ROBO2: variants seen among roughly 807,000 people sequenced by gnomAD.
ROBO2 encodes the protein roundabout guidance receptor 2, also known as roundabout homolog 2.
ROBO2 carries 53 observed loss-of-function variants against 160.8 expected under a neutral mutation model. The ratio of observed to expected loss-of-function variants is 0.33; its 90% confidence interval spans 0.26 to 0.41. The LOEUF (loss-of-function observed/expected upper bound fraction) is 0.41. Among genes scored for constraint, ROBO2 ranks in the 10% least tolerant of loss-of-function variants. ROBO2 has a pLI of 1.00. For synonymous variants in ROBO2, 664 were observed against 611.7 expected (o/e 1.09, Z -1.26); for missense variants, 1,577 against 1,722.4 (o/e 0.92, Z 1.49).
At chr3:76,091,104 A>G (rs956548478) in intron 2 of ROBO2, among the ~76,000 whole-genome samples, 3 of 152,210 alleles carry the variant, frequency 2.0e-5, no homozygotes, top group African/African-American at 7.2e-5. Flanking sequence ...CCTGGGCTTC[A>G]TTAAAATTGG....
chr3:76,446,615 G>T (rs551404501), intron 2 of ROBO2, among the ~76,000 whole-genome samples: 1 of 152,264 alleles, frequency 6.6e-6, no homozygotes, highest in East Asian at 1.9e-4. Context: ...AAAGCTGGAG[G>T]CATCACACTA....
intron 25 of ROBO2, among the ~76,000 whole-genome samples, chr3:77,645,647 T>A (rs552013896): frequency 1.3e-5 from 2 of 152,318 alleles, no homozygotes; most frequent in East Asian, 3.9e-4. Context: ...TTTGGAAGAT[T>A]CTGTGAGATG....
chr3:77,089,848 A>G (rs564363767), intron 1 of ROBO2, among the ~76,000 whole-genome samples: 1 of 152,302 alleles, frequency 6.6e-6, no homozygotes, highest in Admixed American at 6.5e-5. Flanking sequence ...TTTAATCATC[A>G]TGAAGAATTC....
intron 2 of ROBO2, among the ~76,000 whole-genome samples, chr3:76,163,564 T>C (rs1031963959): frequency 1.3e-5 from 2 of 150,184 alleles, no homozygotes; most frequent in Non-Finnish European, 3.0e-5. Context: ...TGTATATACA[T>C]ATATATAGGC....
chr3:77,332,742 T>C (rs1487460084), intron 2 of ROBO2, among the ~76,000 whole-genome samples: 1 of 152,218 alleles, frequency 6.6e-6, no homozygotes, highest in African/African-American at 2.4e-5. Flanking sequence ...TGGGTTATCA[T>C]TATAATAAAA....
At chr3:76,041,154 G>T (rs1161081909) in intron 2 of ROBO2, among the ~76,000 whole-genome samples, 1 of 152,018 alleles carries the variant, frequency 6.6e-6, no homozygotes, top group Non-Finnish European at 1.5e-5. Context: ...CTGAGGCTAA[G>T]GAGATGTGTA....
rs923165193 is a variant in ROBO2 at position 76,822,363 on chromosome 3, C to T, written c.110-275651C>T. ...CCAATAAAAGTTAACCAAATTATTCCATAAATATAGACCTGCAATAACCAT... is the reference window on the plus strand; with the variant it reads ...CCAATAAAAGTTAACCAAATTATTCTATAAATATAGACCTGCAATAACCAT... On this transcript the variant is annotated intron_variant, in intron 2 of 26. Transcript: ENST00000487694. Among the ~76,000 whole-genome samples, 5 of 151,784 alleles carry T rather than the reference C, an allele frequency of 3.3e-5. No individual in the cohort carries two copies. In the East Asian group the frequency reaches 7.7e-4, roughly 23 times the overall value.
intron 2 of ROBO2, among the ~76,000 whole-genome samples, chr3:76,249,599 C>G (rs2107547129): frequency 6.6e-6 from 1 of 152,202 alleles, no homozygotes; most frequent in East Asian, 1.9e-4. Context: ...CAGGTGATTT[C>G]AATGATTAGT....
chr3:77,605,181 A>AG, intron 20 of ROBO2, among the ~76,000 whole-genome samples: 1 of 148,656 alleles, frequency 6.7e-6, no homozygotes, highest in African/African-American at 2.5e-5. Context: ...AAAAAAAAGT[A>AG]TATATATAGT....
At chr3:76,282,945 G>A (rs1024970225) in intron 2 of ROBO2, among the ~76,000 whole-genome samples, 2 of 148,192 alleles carry the variant, frequency 1.3e-5, no homozygotes, top group African/African-American at 4.9e-5. Flanking sequence ...TTTATTGAAG[G>A]GATTACAGAT....
At chr3:75,983,241 A>C (rs1576376116) in intron 2 of ROBO2, among the ~76,000 whole-genome samples, 1 of 151,432 alleles carries the variant, frequency 6.6e-6, no homozygotes, top group Admixed American at 6.6e-5. Context: ...GAAGAGTCTG[A>C]TTCTGTGTGG....
intron 2 of ROBO2, among the ~76,000 whole-genome samples, chr3:76,819,089 A>T (rs1464937131): frequency 6.6e-6 from 1 of 152,052 alleles, no homozygotes; most frequent in Non-Finnish European, 1.5e-5. Context: ...ACTGCCTGTT[A>T]CGGGAAGGGC....
intron 2 of ROBO2, among the ~76,000 whole-genome samples, chr3:76,124,447 C>T (rs2070885327): frequency 6.6e-6 from 1 of 152,066 alleles, no homozygotes; most frequent in African/African-American, 2.4e-5. Context: ...TACATCAGGG[C>T]AAGCTCAAAG....
chr3:76,687,841 A>G lies in ROBO2; in HGVS notation c.110-410173A>G, dbSNP rs532270088. ...GATAAATGAAGTGTCTCCATATTCT[A>G]TAGCCAATATTAAGGGCAAAGGAGA... On this transcript the variant is annotated intron_variant, in intron 2 of 26. Coordinates refer to the ROBO2 transcript ENST00000487694. Among the ~76,000 whole-genome samples the G allele has an allele frequency of 2.9e-4, 44 of 152,174 alleles. 1 individual carries two copies. The highest frequency in any genetic ancestry group is 1.0e-3 in the African/African-American group (42 of 41,574).
chr3:76,325,589 A>G (rs2072946388), intron 2 of ROBO2, among the ~76,000 whole-genome samples: 1 of 152,120 alleles, frequency 6.6e-6, no homozygotes, highest in African/African-American at 2.4e-5. Flanking sequence ...ATTATGAATA[A>G]TTTGTTTGCA....
intron 2 of ROBO2, among the ~76,000 whole-genome samples, chr3:76,957,503 CT>C (rs954920563): frequency 6.6e-6 from 1 of 152,070 alleles, no homozygotes; most frequent in African/African-American, 2.4e-5. Context: ...CAGATATCTA[CT>C]GTCTCTGATA....
At chr3:77,403,584 G>A (rs1309696239) in intron 2 of ROBO2, among the ~76,000 whole-genome samples, 2 of 87,410 alleles carry the variant, frequency 2.3e-5, no homozygotes, top group East Asian at 7.9e-4. Flanking sequence ...GTGTGTGTGT[G>A]TGTGTGTGTG....
At chr3:77,145,325 T>G (rs1007022804) in intron 2 of ROBO2, among the ~76,000 whole-genome samples, 5 of 152,210 alleles carry the variant, frequency 3.3e-5, no homozygotes, top group Non-Finnish European at 2.9e-5. Flanking sequence ...GTTTGAACCT[T>G]CTGGCTCTAA....
chr3:77,424,816 C>T (rs2078027443), intron 2 of ROBO2, among the ~76,000 whole-genome samples: 1 of 152,138 alleles, frequency 6.6e-6, no homozygotes, highest in Non-Finnish European at 1.5e-5. Context: ...AGGAAACAAA[C>T]ATCCCCTTGT....
Sources: allele counts gnomAD v4.1 joint callset (sites outside exome capture counted in the v4.1 genomes callset), GRCh38; gene constraint gnomAD v4.1.1; transcripts MANE v1.5; gene names NCBI Gene and HGNC (gene_info 2026-07-23, HGNC 2026-07-21).